Variants in SUFU observed in about 807,000 individuals in gnomAD.
SUFU encodes SUFU negative regulator of hedgehog signaling.
A neutral mutation model predicts 58.9 loss-of-function variants in SUFU; 7 were observed. The observed-to-expected ratio is 0.12, with a 90% CI of 0.07 to 0.22. The LOEUF is 0.22. Among genes scored for constraint, SUFU ranks in the 10% least tolerant of loss-of-function variants. The pLI is 1.00. For missense variants in SUFU, 451 were observed against 641.3 expected, an observed-to-expected ratio of 0.70 and a Z score of 3.20; for synonymous variants, 232 against 254.8, an observed-to-expected ratio of 0.91 and a Z score of 0.85.
chr10:102,548,317 C>T (rs146231062), intron 2 of SUFU, among the ~76,000 whole-genome samples: 1 of 152,300 alleles, frequency 6.6e-6, no homozygotes, highest in African/African-American at 2.4e-5. Context: ...TCTGGGTTCA[C>T]CCAGGCACAG....
rs1361157408 is a variant in SUFU, at chr10:102,550,123, G to C, written c.454+17G>C. 6.2e-7 allele frequency: 1 copy of C among 1,614,078 alleles called. No individual in the cohort carries two copies. Among genetic ancestry groups the C allele is most frequent in the Admixed American group, 1.7e-5 (1 of 60,012 alleles). ...TCCAGTCAGGTAGGAGGCCAGGGCT[G>C]GCTGCTGTGCTGGTCCTTTTGCCAT... On this transcript the variant is annotated intron_variant, in intron 3 of 11. Coordinates refer to ENST00000369902, the MANE Select transcript of SUFU (RefSeq NM_016169.4).
chr10:102,613,680 A>T (rs1031956665), intron 8 of SUFU, among the ~76,000 whole-genome samples: 1 of 152,242 alleles, frequency 6.6e-6, no homozygotes, highest in Non-Finnish European at 1.5e-5. Context: ...TTGTTCTGAG[A>T]TTCACAGCCC....
At position 102,509,292 on chromosome 10, in the gene SUFU, C is replaced by T. The variant is rs1564657077; in HGVS notation, c.306C>T (p.Asn102=). ...SFGLSDLYGD[N]RVHEFTGTDG... The stretch of plus-strand genomic sequence containing the variant: ...GCCTGAGTGATCTCTATGGTGACAA[C>T]AGAGTCCATGAGTGAGTATATGCCA... Residue 102 remains asparagine, a synonymous_variant, in exon 2 of 12, where the codon AAC becomes AAT. Coordinates refer to ENST00000369902, the MANE Select transcript of SUFU (RefSeq NM_016169.4). 6.2e-7 allele frequency: 1 copy of T among 1,614,148 alleles called. No individual in the cohort carries two copies. Among genetic ancestry groups the T allele is most frequent in the Non-Finnish European group, 8.5e-7 (1 of 1,180,026 alleles).
chr10:102,536,687 T>C (rs1382924424), intron 2 of SUFU, among the ~76,000 whole-genome samples: 11 of 152,088 alleles, frequency 7.2e-5, no homozygotes, highest in Admixed American at 7.2e-4. Flanking sequence ...CCTTATATAT[T>C]TTACTCACAT....
At chr10:102,504,457 G>A in intron 1 of SUFU, 123 bp downstream of exon 1, 1 of 1,512,122 alleles carries the variant, frequency 6.6e-7, no homozygotes, top group Non-Finnish European at 8.9e-7. Flanking sequence ...TCAGAAGGAG[G>A]GCTTCTTGCT....
chr10:102,593,589 G>A (rs758953500), intron 4 of SUFU, 47 bp from the exon 5 acceptor site: 3 of 1,584,626 alleles, frequency 1.9e-6, no homozygotes, highest in East Asian at 2.2e-5. Flanking sequence ...TTCTTGGGGT[G>A]GGGGGTGGCC....
intron 1 of SUFU, among the ~76,000 whole-genome samples, chr10:102,505,149 G>A (rs2062309280): frequency 6.6e-6 from 1 of 152,148 alleles, no homozygotes; most frequent in South Asian, 2.1e-4. Flanking sequence ...ACCCCAGCAG[G>A]GAGGAATTGT....
At chr10:102,504,884 C>CT (rs2135600783) in intron 1 of SUFU, among the ~76,000 whole-genome samples, 1 of 152,210 alleles carries the variant, frequency 6.6e-6, no homozygotes, top group African/African-American at 2.4e-5. Context: ...AGGAGGTCTC[C>CT]TTTTGATACC....
intron 7 of SUFU, among the ~76,000 whole-genome samples, chr10:102,598,285 T>C (rs1564699300): frequency 6.6e-6 from 1 of 152,138 alleles, no homozygotes. Context: ...CCCAAGTAGC[T>C]GGGACTACAG....
At chr10:102,543,867 T>C (rs2062827714) in intron 2 of SUFU, among the ~76,000 whole-genome samples, 1 of 152,204 alleles carries the variant, frequency 6.6e-6, no homozygotes, top group Admixed American at 6.5e-5. Context: ...CCCCATTTTA[T>C]AGATGAGGAA....
chr10:102,582,095 A>G (rs1193662854), intron 3 of SUFU, among the ~76,000 whole-genome samples: 1 of 152,150 alleles, frequency 6.6e-6, no homozygotes, highest in Non-Finnish European at 1.5e-5. Flanking sequence ...CACGCAGAAG[A>G]GCACCTGGAG....
intron 3 of SUFU, among the ~76,000 whole-genome samples, chr10:102,564,060 C>T (rs1468707669): frequency 2.6e-5 from 4 of 152,222 alleles, no homozygotes; most frequent in African/African-American, 9.6e-5. Context: ...CTCAGCAGCA[C>T]ACCACAGGGC....
chr10:102,596,851 C>T (rs1364600128), intron 6 of SUFU, among the ~76,000 whole-genome samples: 1 of 151,948 alleles, frequency 6.6e-6, no homozygotes, highest in Admixed American at 6.6e-5. Flanking sequence ...CAGGTAGAGG[C>T]CATTGTGCTG....
chr10:102,520,034 A>G (rs1282742434), intron 2 of SUFU, among the ~76,000 whole-genome samples: 2 of 151,748 alleles, frequency 1.3e-5, no homozygotes, highest in Non-Finnish European at 1.5e-5. Context: ...GGCCTCCCAA[A>G]GTGCTGGGAT....
chr10:102,616,685 A>G (rs1418181630), intron 9 of SUFU, among the ~76,000 whole-genome samples: 1 of 152,184 alleles, frequency 6.6e-6, no homozygotes, highest in East Asian at 1.9e-4. Flanking sequence ...ACTAGGGATT[A>G]ACAGTAACTT....
chr10:102,556,120 G>A, intron 3 of SUFU, among the ~76,000 whole-genome samples: 1 of 152,172 alleles, frequency 6.6e-6, no homozygotes, highest in East Asian at 1.9e-4. Context: ...ATAGCATCAA[G>A]GCAGTGGGAG....
chr10:102,570,539 T>TTTTG (rs35078567), intron 3 of SUFU, among the ~76,000 whole-genome samples: 69,016 of 151,004 alleles, frequency 0.46, 16,148 homozygotes, highest in East Asian at 0.67. Context: ...TTTTTTAGTT[T>TTTTG]TTTGTTTGTT....
At chr10:102,578,376 G>C (rs770232578) in intron 3 of SUFU, among the ~76,000 whole-genome samples, 158 of 151,980 alleles carry the variant, frequency 1.0e-3, no homozygotes, top group Non-Finnish European at 5.9e-5. Flanking sequence ...TCAGGAGTTC[G>C]AGACCAGCCT....
At chr10:102,573,312 AAAAAC>A (rs1467383897) in intron 3 of SUFU, 5 of 541,478 alleles carry the variant, frequency 9.2e-6, no homozygotes, top group African/African-American at 1.9e-5. Context: ...CAAAAAAAGA[AAAAAC>A]AAAACAAAAC....
Sources: gnomAD v4.1 joint callset for allele counts (sites outside exome capture counted in the v4.1 genomes callset) on GRCh38, gnomAD v4.1.1 for gene constraint, MANE v1.5 for transcripts, NCBI Gene and HGNC (gene_info 2026-07-23, HGNC 2026-07-21) for gene names.